DPYSL5: variants seen among roughly 807,000 people sequenced by gnomAD.
DPYSL5 encodes the protein dihydropyrimidinase like 5.
DPYSL5 carries 9 observed loss-of-function variants against 58.4 expected under a neutral mutation model. The ratio of observed to expected loss-of-function variants is 0.15; its 90% CI spans 0.09 to 0.27. The LOEUF (loss-of-function observed/expected upper bound fraction) is 0.27, where lower values mean the gene tolerates loss of function less well. Among genes scored for constraint, DPYSL5 ranks in the 10% least tolerant of loss-of-function variants. The pLI is 1.00. For missense variants in DPYSL5, 499 were observed against 770.6 expected (o/e 0.65, Z 4.17); for synonymous variants, 293 against 301.9 (o/e 0.97, Z 0.31).
chr2:26,928,975 A>T (rs1256072339), intron 5 of DPYSL5, among the ~76,000 whole-genome samples: 2 of 151,864 alleles, frequency 1.3e-5, no homozygotes. Flanking sequence ...TCCTTTGAGC[A>T]TCTGAGGAAT....
At chr2:26,869,828 G>C (rs573098948) in intron 1 of DPYSL5, among the ~76,000 whole-genome samples, 4 of 152,048 alleles carry the variant, frequency 2.6e-5, no homozygotes, top group Non-Finnish European at 5.9e-5. Flanking sequence ...TGGCTAACAC[G>C]GTGAAATGCC....
At chr2:26,883,431 C>G (rs1407030420) in intron 1 of DPYSL5, among the ~76,000 whole-genome samples, 1 of 152,186 alleles carries the variant, frequency 6.6e-6, no homozygotes, top group Non-Finnish European at 1.5e-5. Context: ...CAGAGTCTCA[C>G]TCTGTCACTC....
chr2:26,868,815 A>G (rs1663180797), intron 1 of DPYSL5, among the ~76,000 whole-genome samples: 1 of 152,208 alleles, frequency 6.6e-6, no homozygotes, highest in African/African-American at 2.4e-5. Context: ...TCTATTTCAA[A>G]AGAAACACAT....
chr2:26,904,341 C>T (rs1369968984), intron 2 of DPYSL5, among the ~76,000 whole-genome samples: 4 of 152,212 alleles, frequency 2.6e-5, no homozygotes, highest in Admixed American at 2.0e-4. Context: ...AATGCGCTCT[C>T]GTGGAATGAA....
chr2:26,855,297 CAG>C (rs1665851941), intron 1 of DPYSL5, among the ~76,000 whole-genome samples: 1 of 151,866 alleles, frequency 6.6e-6, no homozygotes, highest in African/African-American at 2.4e-5. Context: ...GGCGTGGTGG[CAG>C]GTGCCTGTAG....
At chr2:26,887,896 C>T (rs1462716810) in intron 1 of DPYSL5, among the ~76,000 whole-genome samples, 1 of 152,170 alleles carries the variant, frequency 6.6e-6, no homozygotes, top group Non-Finnish European at 1.5e-5. Flanking sequence ...TCAGAATCCT[C>T]TTGGAGGAGA....
At position 26,898,521 on chromosome 2, in the gene DPYSL5, G is replaced by A. The variant is rs752901583; in HGVS notation, c.22G>A (p.Val8Met). The change falls in exon 2 of 13, where the codon GTG (valine) becomes ATG (methionine). Residue 8 changes from valine to methionine, a missense_variant. Physicochemically the swap from Val to Met is conservative, Grantham distance 21 (BLOSUM62 1). This residue lies in a region of DPYSL5 where 404 missense variants were observed against 647.6 expected (regional missense o/e 0.62). Coordinates refer to ENST00000288699, the MANE Select transcript of DPYSL5 (RefSeq NM_020134.4). The surrounding 1 kb of genome is among the most constrained non-coding windows in gnomAD (Gnocchi z 6.1). ...GAACATGCTTGCCAACTCAGCCAGC[G>A]TGAGGATCCTCATCAAGGGAGGCAA... is the stretch of plus-strand genomic sequence containing the variant. MLANSAS[V>M]RILIKGGKVV... 1.1e-5 allele frequency: 17 copies of A among 1,613,988 alleles called. No homozygotes were observed. Among genetic ancestry groups the A allele is most frequent in the East Asian group, 2.2e-5 (1 of 44,900 alleles).
intron 1 of DPYSL5, among the ~76,000 whole-genome samples, chr2:26,862,900 G>A (rs915341575): frequency 6.6e-6 from 1 of 152,204 alleles, no homozygotes; most frequent in Non-Finnish European, 1.5e-5. Flanking sequence ...TATTCCAGAA[G>A]CTGTTTCTGC....
At chr2:26,855,746 G>T (rs1665863865) in intron 1 of DPYSL5, among the ~76,000 whole-genome samples, 1 of 152,070 alleles carries the variant, frequency 6.6e-6, no homozygotes, top group Non-Finnish European at 1.5e-5. Flanking sequence ...CTCACGCCTT[G>T]GGTCTTTATT....
intron 1 of DPYSL5, among the ~76,000 whole-genome samples, chr2:26,857,581 G>A (rs1665911625): frequency 1.3e-5 from 2 of 151,502 alleles, no homozygotes; most frequent in South Asian, 4.2e-4. Context: ...GTGTCAGCTT[G>A]GAATCACAGA....
rs1001533401 is a variant in DPYSL5 at position 26,927,067 on chromosome 2, A to G, written c.421-186A>G. 2.0e-5 allele frequency among the ~76,000 whole-genome samples: 3 copies of G among 152,216 alleles called. No homozygotes were observed. The highest frequency in any genetic ancestry group is 7.2e-5 in the African/African-American group (3 of 41,464). On this transcript the variant is annotated intron_variant, in intron 3 of 12. Coordinates refer to ENST00000288699, the MANE Select transcript of DPYSL5 (RefSeq NM_020134.4). The surrounding 1 kb of genome is among the most constrained non-coding windows in gnomAD (Gnocchi z 4.3). ...CAATTTTCACAGTACTTCCGCATCCATCTACTCAGGTGGCCTCACAGCAGC... is the reference window on the plus strand; with the variant it reads ...CAATTTTCACAGTACTTCCGCATCCGTCTACTCAGGTGGCCTCACAGCAGC...
chr2:26,857,015 A>G (rs935796864), intron 1 of DPYSL5, among the ~76,000 whole-genome samples: 1 of 150,794 alleles, frequency 6.6e-6, no homozygotes, highest in African/African-American at 2.4e-5. Flanking sequence ...ACACTTTTAA[A>G]CTAAGCGGTG....
At chr2:26,923,906 C>A (rs1172511428) in intron 2 of DPYSL5, among the ~76,000 whole-genome samples, 1 of 152,164 alleles carries the variant, frequency 6.6e-6, no homozygotes, top group Non-Finnish European at 1.5e-5. Context: ...GTGATCCACC[C>A]ACCTCAGCCT....
In DPYSL5 at chr2:26,915,597, G is replaced by T. The variant is rs567980380; in HGVS notation, c.262-9290G>T. On this transcript the variant is annotated intron_variant, in intron 2 of 12. Coordinates refer to ENST00000288699, the MANE Select transcript of DPYSL5 (RefSeq NM_020134.4). ...GTGCCCCAGCTCCTGGTTCAGAGTGGGCCCATTACAACAGCATGGTAACTT... is the reference window on the plus strand; with the variant it reads ...GTGCCCCAGCTCCTGGTTCAGAGTGTGCCCATTACAACAGCATGGTAACTT... 2.6e-5 allele frequency among the ~76,000 whole-genome samples: 4 copies of T among 152,130 alleles called. No homozygotes were observed. In the East Asian group the frequency reaches 7.7e-4, roughly 29 times the overall value.
At chr2:26,896,886 A>G (rs1023760155) in intron 1 of DPYSL5, among the ~76,000 whole-genome samples, 1 of 152,196 alleles carries the variant, frequency 6.6e-6, no homozygotes, top group South Asian at 2.1e-4. Context: ...AGTTTGACGC[A>G]ATCCCATTTG....
In DPYSL5 at chr2:26,934,128, C is replaced by T. The variant is rs1665109435; in HGVS notation, c.791-450C>T. Among the ~76,000 whole-genome samples the T allele has an allele frequency of 6.6e-6, 1 of 152,180 alleles. No individual in the cohort carries two copies. Among genetic ancestry groups the T allele is most frequent in the African/African-American group, 2.4e-5 (1 of 41,442 alleles). On this transcript the variant is annotated intron_variant, in intron 7 of 12. Coordinates refer to ENST00000288699, the MANE Select transcript of DPYSL5 (RefSeq NM_020134.4). This position sits in a 1 kb window ranked among gnomAD's most constrained non-coding sequence, Gnocchi z 4.3. The stretch of plus-strand genomic sequence containing the variant: ...CTCCCACCTCCTGTCTCCCTGTCCT[C>T]CAGCCCTGCTACGGCCCTCCCTGTC...
At chr2:26,861,777 C>T (rs1182935682) in intron 1 of DPYSL5, among the ~76,000 whole-genome samples, 1 of 152,218 alleles carries the variant, frequency 6.6e-6, no homozygotes, top group African/African-American at 2.4e-5. Context: ...TGTTCACACT[C>T]TTATGTAATC....
Position 26,928,291 on chromosome 2 carries a change from C to A in DPYSL5, c.637C>A (p.Pro213Thr), listed in dbSNP as rs1386137362. The change falls in exon 5 of 13, where the codon CCA (proline) becomes ACA (threonine). Residue 213 changes from proline to threonine, a missense_variant. Pro to Thr is a conservative substitution (Grantham distance 38). Around this residue, in one of 3 missense-constraint regions of DPYSL5, gnomAD observed 404 missense variants for 647.6 expected, o/e 0.62. Coordinates refer to ENST00000288699, the MANE Select transcript of DPYSL5 (RefSeq NM_020134.4). ...KEALDLGITG[P>T]EGIEISRPEE... ...GGCACTGGATTTGGGGATCACAGGC[C>A]CAGAAGGAATCGAGATCAGCCGTCC... The A allele has an allele frequency of 6.2e-7, 1 of 1,613,780 alleles. No homozygotes were observed. Among genetic ancestry groups the A allele is most frequent in the Non-Finnish European group, 8.5e-7 (1 of 1,179,946 alleles).
chr2:26,904,259 G>T (rs77827193), intron 2 of DPYSL5, among the ~76,000 whole-genome samples: 1 of 152,198 alleles, frequency 6.6e-6, no homozygotes, highest in Non-Finnish European at 1.5e-5. Flanking sequence ...TTGGTGCCCA[G>T]CCTTGCCAAC....
Sources: gnomAD v4.1 joint callset for allele counts (sites outside exome capture counted in the v4.1 genomes callset) on GRCh38, gnomAD v4.1.1 for gene constraint, gnomAD v4.1.1 regional missense constraint, Gnocchi (gnomAD v3.1) non-coding constraint, MANE v1.5 for transcripts, NCBI Gene and HGNC (gene_info 2026-07-23, HGNC 2026-07-21) for gene names.